Variants in ZNF804A observed in about 807,000 individuals in gnomAD.
ZNF804A encodes the protein zinc finger protein 804A.
ZNF804A carries 2 observed loss-of-function variants against 16.5 expected under a neutral mutation model. The ratio of observed to expected loss-of-function variants is 0.12; its 90% CI spans 0.05 to 0.38. The LOEUF (loss-of-function observed/expected upper bound fraction) is 0.38. ZNF804A is among the 10% of genes least tolerant of loss of function. ZNF804A has a pLI of 0.99. For missense variants in ZNF804A, 1,473 were observed against 1,390.7 expected (o/e 1.06, Z -0.94); for synonymous variants, 534 against 489.6 (o/e 1.09, Z -1.20).
chr2:184,640,443 A>G (rs1691776534), intron 1 of ZNF804A, among the ~76,000 whole-genome samples: 1 of 152,074 alleles, frequency 6.6e-6, no homozygotes, highest in Non-Finnish European at 1.5e-5. Flanking sequence ...ACCAATCAAT[A>G]CTATATAATT....
chr2:184,625,865 A>T (rs888355696), intron 1 of ZNF804A, among the ~76,000 whole-genome samples: 3 of 151,904 alleles, frequency 2.0e-5, no homozygotes, highest in Non-Finnish European at 4.4e-5. Flanking sequence ...TTCTTTTTTT[A>T]ATTTTATTTA....
intron 1 of ZNF804A, among the ~76,000 whole-genome samples, chr2:184,765,140 T>C (rs895693011): frequency 6.6e-6 from 1 of 152,200 alleles, no homozygotes; most frequent in Non-Finnish European, 1.5e-5. Context: ...ATAGTTTTGC[T>C]GGTGACATTG....
intron 1 of ZNF804A, among the ~76,000 whole-genome samples, chr2:184,639,779 G>A (rs146041840): frequency 0.43 from 64,930 of 151,776 alleles, 14,490 homozygotes; most frequent in African/African-American, 0.53. Context: ...AAGGCAGGCG[G>A]ATCACGAGGT....
rs1348532528 is a variant in ZNF804A at position 184,935,921 on chromosome 2, G to C, written c.525G>C (p.Glu175Asp). ...DFKYTLIHSE[E>D]NTKDATTVAE... ...AATATACTTTGATTCATAGTGAAGA[G>C]AATACTAAAGATGCTACCACTGTTG... The change falls in exon 4 of 4, where the codon GAG (glutamate) becomes GAC (aspartate). Residue 175 changes from glutamate to aspartate, a missense_variant. Physicochemically the swap from Glu to Asp is conservative, Grantham distance 45. Coordinates refer to ENST00000302277, the MANE Select transcript of ZNF804A (RefSeq NM_194250.2). 6.2e-7 allele frequency: 1 copy of C among 1,613,930 alleles called. No homozygotes were observed. The highest frequency in any genetic ancestry group is 2.2e-5 in the East Asian group (1 of 44,838).
intron 1 of ZNF804A, among the ~76,000 whole-genome samples, chr2:184,633,273 C>T (rs1691641891): frequency 6.6e-6 from 1 of 152,142 alleles, no homozygotes; most frequent in Non-Finnish European, 1.5e-5. Flanking sequence ...GTATCTATTG[C>T]TTCAACAGAA....
intron 1 of ZNF804A, among the ~76,000 whole-genome samples, chr2:184,683,530 C>T (rs894773865): frequency 6.6e-6 from 1 of 152,156 alleles, no homozygotes; most frequent in Non-Finnish European, 1.5e-5. Flanking sequence ...TTCCCTGCAT[C>T]ACTGCCCCAA....
intron 1 of ZNF804A, among the ~76,000 whole-genome samples, chr2:184,799,301 C>G (rs150039687): frequency 2.6e-5 from 4 of 151,806 alleles, no homozygotes; most frequent in Non-Finnish European, 4.4e-5. Flanking sequence ...CCTGATGCAC[C>G]GATTGATTTT....
intron 1 of ZNF804A, among the ~76,000 whole-genome samples, chr2:184,669,318 T>C (rs1319850301): frequency 6.6e-6 from 1 of 152,084 alleles, no homozygotes; most frequent in Non-Finnish European, 1.5e-5. Flanking sequence ...GAGATTCTTA[T>C]ATAGTGTATA....
intron 1 of ZNF804A, among the ~76,000 whole-genome samples, chr2:184,668,928 G>C (rs1385131973): frequency 2.6e-5 from 4 of 151,876 alleles, no homozygotes; most frequent in African/African-American, 9.7e-5. Flanking sequence ...TTCTTTCTTG[G>C]TCAGCAGAAC....
intron 1 of ZNF804A, among the ~76,000 whole-genome samples, chr2:184,745,794 T>G (rs1004033117): frequency 2.0e-5 from 3 of 151,680 alleles, no homozygotes; most frequent in Non-Finnish European, 4.4e-5. Context: ...TGTGCCTTTA[T>G]GCCCTAGCAT....
At position 184,743,742 on chromosome 2, in the gene ZNF804A, T is replaced by C. The variant is rs180880785; in HGVS notation, c.112-122627T>C. ...GACTCCCAAGACTTAAAATATTTAATGGTGGTATATTTTGTATATATCTAT... is the reference window on the plus strand; with the variant it reads ...GACTCCCAAGACTTAAAATATTTAACGGTGGTATATTTTGTATATATCTAT... On this transcript the variant is annotated intron_variant, in intron 1 of 3. Coordinates refer to ENST00000302277, the MANE Select transcript of ZNF804A (RefSeq NM_194250.2). Among the ~76,000 whole-genome samples the C allele has an allele frequency of 3.3e-4, 50 of 152,034 alleles. No individual in the cohort carries two copies. The East Asian group carries it at 8.7e-3, about 26-fold the overall frequency.
chr2:184,733,759 A>G (rs1225132700), intron 1 of ZNF804A, among the ~76,000 whole-genome samples: 3 of 152,176 alleles, frequency 2.0e-5, no homozygotes, highest in African/African-American at 7.2e-5. Flanking sequence ...TGTGGCTTTT[A>G]AAGAAATTGT....
chr2:184,850,222 T>C (rs1695581371), intron 1 of ZNF804A, among the ~76,000 whole-genome samples: 1 of 151,816 alleles, frequency 6.6e-6, no homozygotes, highest in Admixed American at 6.6e-5. Flanking sequence ...AAGAGTGGAA[T>C]TAGAAGGTTC....
At chr2:184,715,810 A>G (rs1436630167) in intron 1 of ZNF804A, among the ~76,000 whole-genome samples, 1 of 152,166 alleles carries the variant, frequency 6.6e-6, no homozygotes, top group Admixed American at 6.6e-5. Context: ...TAAAAGAAAC[A>G]CTGAGTATAG....
Position 184,938,505 on chromosome 2 carries a change from C to T in ZNF804A, c.3109C>T (p.Pro1037Ser). The T allele has an allele frequency of 1.9e-6, 3 of 1,614,014 alleles. No individual in the cohort carries two copies. Among genetic ancestry groups the T allele is most frequent in the Non-Finnish European group, 2.5e-6 (3 of 1,179,994 alleles). Reference protein sequence around the residue: ...LALPEQALLIPLENHDKFKNV... With the variant: ...LALPEQALLISLENHDKFKNV... ...TTTACCAGAGCAAGCATTATTGATC[C>T]CACTAGAAAACCATGACAAATTCAA... Residue 1037 changes from proline (P) to serine (S), a missense_variant, in exon 4 of 4, where the codon CCA becomes TCA. Pro to Ser is a moderately conservative substitution (Grantham distance 74, BLOSUM62 -1). Transcript: ENST00000302277.
intron 1 of ZNF804A, among the ~76,000 whole-genome samples, chr2:184,764,090 G>A (rs550170033): frequency 2.6e-5 from 4 of 151,942 alleles, no homozygotes; most frequent in Non-Finnish European, 1.5e-5. Flanking sequence ...TTAAAGGATT[G>A]AATTCAGTGA....
rs554367349 is a variant in ZNF804A at position 184,666,492 on chromosome 2, T to A, written c.111+67422T>A. 3.9e-5 allele frequency among the ~76,000 whole-genome samples: 6 copies of A among 152,172 alleles called. No individual in the cohort carries two copies. The East Asian group carries it at 1.2e-3, about 29-fold the overall frequency. ...TGCAAATAGAAAAATGTACAATTTATATCTAATATAAAAATTTATATCCCT... is the reference window on the plus strand; with the variant it reads ...TGCAAATAGAAAAATGTACAATTTAAATCTAATATAAAAATTTATATCCCT... On this transcript the variant is annotated intron_variant, in intron 1 of 3. Coordinates refer to ENST00000302277, the MANE Select transcript of ZNF804A (RefSeq NM_194250.2).
chr2:184,876,774 T>C (rs2105815802), intron 2 of ZNF804A, among the ~76,000 whole-genome samples: 1 of 152,264 alleles, frequency 6.6e-6, no homozygotes, highest in East Asian at 1.9e-4. Flanking sequence ...GCCATCTCCT[T>C]TCAGGTGGAT....
chr2:184,927,770 G>A (rs1260356326), intron 2 of ZNF804A, among the ~76,000 whole-genome samples: 2 of 152,164 alleles, frequency 1.3e-5, no homozygotes, highest in Non-Finnish European at 2.9e-5. Flanking sequence ...ACCATCACAG[G>A]CCCATAGGGA....
Sources: allele counts gnomAD v4.1 joint callset (sites outside exome capture counted in the v4.1 genomes callset), GRCh38; gene constraint gnomAD v4.1.1; transcripts MANE v1.5; gene names NCBI Gene and HGNC (gene_info 2026-07-23, HGNC 2026-07-21).